Variants in ZNF687 observed in about 807,000 individuals in gnomAD.
The protein encoded by ZNF687 is zinc finger protein 687.
A neutral mutation model predicts 71.8 loss-of-function variants in ZNF687; 13 were observed. The observed-to-expected ratio is 0.18, with a 90% CI of 0.12 to 0.29. ZNF687 has a LOEUF of 0.29. Ranked by LOEUF, ZNF687 falls within the 10% of genes least tolerant of loss-of-function variation. ZNF687 has a pLI of 1.00. For missense variants in ZNF687, 1,412 were observed against 1,625.6 expected (o/e 0.87, Z 2.26); for synonymous variants, 673 against 641.6 (o/e 1.05, Z -0.74).
rs1036899486 is a variant in ZNF687, at chr1:151,292,011, G to A, written c.*802G>A. 1 of 152,018 alleles carries A rather than the reference G, an allele frequency of 6.6e-6. No individual in the cohort carries two copies. Among genetic ancestry groups the A allele is most frequent in the Non-Finnish European group, 1.5e-5 (1 of 68,052 alleles). The allele number at this position is 152,018 out of a possible 1,614,324, so 9.4% of individuals were successfully genotyped here. On this transcript the variant is annotated 3_prime_UTR_variant, in exon 9 of 9. Transcript: ENST00000336715. ...GGAAGAGGTGGTAGTGACCAAGACAGGCAGGGAAAAAGCAAACTTCTATGT... is the reference window on the plus strand; with the variant it reads ...GGAAGAGGTGGTAGTGACCAAGACAAGCAGGGAAAAAGCAAACTTCTATGT...
At chr1:151,284,610 T>C (rs1693864359) in intron 1 of ZNF687, among the ~76,000 whole-genome samples, 2 of 152,118 alleles carry the variant, frequency 1.3e-5, no homozygotes, top group Admixed American at 1.3e-4. Flanking sequence ...CCCTGACTCT[T>C]GCCTCCGACC....
rs1266741255 is a variant in ZNF687, at chr1:151,287,946, A to G, written c.1655A>G (p.Tyr552Cys). Residue 552 changes from tyrosine (Y) to cysteine (C), a missense_variant, in exon 2 of 9, where the codon TAT (tyrosine) becomes TGT (cysteine). Tyr to Cys is a radical substitution (Grantham distance 194). This residue lies in a region of ZNF687 where 50 missense variants were observed against 106.6 expected (regional missense o/e 0.47). Transcript: ENST00000336715. The surrounding 1 kb of genome is among the most constrained non-coding windows in gnomAD (Gnocchi z 5.0). ...TTGGAGAAGAGCCTGGCACGGCACT[A>G]TGACCGTCGGAGCATGCGCATCGAG... ...FSLEKSLARH[Y>C]DRRSMRIEVT... The G allele has an allele frequency of 1.9e-6, 3 of 1,613,620 alleles. No homozygotes were observed. Among genetic ancestry groups the G allele is most frequent in the African/African-American group, 2.7e-5 (2 of 74,862 alleles).
At position 151,286,885 on chromosome 1, in the gene ZNF687, C is replaced by T; in HGVS notation, c.594C>T (p.Ser198=). ...GALTPPPFPS[S]FELAQENGPG... is the part of the protein sequence containing the mutation. ...TGACCCCGCCTCCTTTCCCCTCTTC[C>T]TTTGAGCTGGCCCAGGAGAATGGCC... Residue 198 remains serine, a synonymous_variant, in exon 2 of 9, where the codon TCC becomes TCT. Coordinates refer to ENST00000336715, the MANE Select transcript of ZNF687 (RefSeq NM_020832.3). The T allele has an allele frequency of 6.2e-7, 1 of 1,613,280 alleles. No individual in the cohort carries two copies. Among genetic ancestry groups the T allele is most frequent in the Non-Finnish European group, 8.5e-7 (1 of 1,179,492 alleles).
chr1:151,286,360 G>A lies in ZNF687; in HGVS notation c.69G>A (p.Ala23=), dbSNP rs778329827. 2.5e-5 allele frequency: 40 copies of A among 1,607,262 alleles called. No homozygotes were observed. In the Admixed American group the frequency reaches 2.9e-4, roughly 12 times the overall value. The part of the protein sequence containing the change: ...LAAFDIPDID[A]NEAIHSGPEE... ...CCTTTGACATCCCTGACATTGATGC[G>A]AATGAAGCCATCCATTCTGGGCCAG... Residue 23 remains alanine, a synonymous_variant, in exon 2 of 9, where the codon GCG becomes GCA. Coordinates refer to ENST00000336715, the MANE Select transcript of ZNF687 (RefSeq NM_020832.3).
intron 1 of ZNF687, 86 bp downstream of exon 1, chr1:151,282,481 T>C (rs1693754847): frequency 2.2e-6 from 2 of 918,678 alleles, no homozygotes; most frequent in African/African-American, 1.8e-5. Context: ...CCCCACTTGG[T>C]CAACTACCCC....
At chr1:151,290,351 T>A in intron 7 of ZNF687, 81 bp from the exon 8 acceptor site, 1 of 1,611,166 alleles carries the variant, frequency 6.2e-7, no homozygotes, top group South Asian at 1.1e-5. Context: ...CTCCCTCTGC[T>A]CTGGCAGCCC....
At chr1:151,282,508 C>G (rs1356161857) in intron 1 of ZNF687, 113 bp downstream of exon 1, 3 of 807,108 alleles carry the variant, frequency 3.7e-6, no homozygotes, top group African/African-American at 1.9e-5. Context: ...CGCGCCGCCC[C>G]CTGGGGCGGC....
chr1:151,281,681 T>C (rs1693717903), upstream of ZNF687: 1 of 452,880 alleles, frequency 2.2e-6, no homozygotes, highest in Admixed American at 2.5e-5. Context: ...TATGGCGATT[T>C]AGACGGTGGG....
chr1:151,289,187 T>C lies in ZNF687; in HGVS notation c.2387T>C (p.Ile796Thr). Residue 796 changes from isoleucine (I) to threonine (T), a missense_variant, in exon 4 of 9, where the codon ATC (isoleucine) becomes ACC (threonine). By Grantham distance (89) the Ile-to-Thr change is moderately conservative. Coordinates refer to ENST00000336715, the MANE Select transcript of ZNF687 (RefSeq NM_020832.3). Reference protein sequence around the residue: ...SHCEVFHKCPICPMAFKSGPS... With the variant: ...SHCEVFHKCPTCPMAFKSGPS... Reference sequence around the variant, plus strand: ...TGCGAGGTTTTCCACAAGTGCCCCATCTGCCCCATGGCCTTCAAGTCTGGG... The same window carrying C: ...TGCGAGGTTTTCCACAAGTGCCCCACCTGCCCCATGGCCTTCAAGTCTGGG... 2 of 1,614,174 alleles carry C rather than the reference T, an allele frequency of 1.2e-6. No individual in the cohort carries two copies. The highest frequency in any genetic ancestry group is 1.1e-5 in the South Asian group (1 of 91,090).
intron 1 of ZNF687, chr1:151,283,751 G>A (rs1289456935): frequency 1.1e-6 from 1 of 895,076 alleles, no homozygotes; most frequent in African/African-American, 1.8e-5. Flanking sequence ...AGATTCTGCA[G>A]AATTGAATAG....
chr1:151,287,658 C>T lies in ZNF687; in HGVS notation c.1367C>T (p.Ala456Val). The change falls in exon 2 of 9, where the codon GCA becomes GTA. Residue 456 changes from alanine to valine, a missense_variant. Around this residue, in one of 8 missense-constraint regions of ZNF687, gnomAD observed 133 missense variants for 155.1 expected, o/e 0.86. Transcript: ENST00000336715. This position sits in a 1 kb window ranked among gnomAD's most constrained non-coding sequence, Gnocchi z 5.0. ...PQALPKADGR[A>V]GLGTGGQKVN... is the part of the protein sequence containing the mutation. ...GCCCTGCCTAAGGCTGACGGGCGGGCAGGGCTGGGGACTGGGGGACAGAAG... is the reference window on the plus strand; with the variant it reads ...GCCCTGCCTAAGGCTGACGGGCGGGTAGGGCTGGGGACTGGGGGACAGAAG... 6.2e-7 allele frequency: 1 copy of T among 1,613,208 alleles called. No individual in the cohort carries two copies. Among genetic ancestry groups the T allele is most frequent in the Non-Finnish European group, 8.5e-7 (1 of 1,179,652 alleles).
In ZNF687 at chr1:151,289,760, A is replaced by C. The variant is rs1694121310; in HGVS notation, c.2717A>C (p.Glu906Ala). ...CTGCTGACCCCCAAGACTGAGCCTG[A>C]GGAGCTGGCTGTTTCTCAGGGAGGG... ...GALLTPKTEP[E>A]ELAVSQGGAA... is the part of the protein sequence containing the mutation. The change falls in exon 6 of 9, where the codon GAG becomes GCG. Residue 906 changes from glutamate to alanine, a missense_variant. This residue lies in a region of ZNF687 where 135 missense variants were observed against 104.1 expected (regional missense o/e 1.30). Transcript: ENST00000336715. 1 of 1,560,148 alleles carries C rather than the reference A, an allele frequency of 6.4e-7. No individual in the cohort carries two copies. Among genetic ancestry groups the C allele is most frequent in the Non-Finnish European group, 8.7e-7 (1 of 1,151,536 alleles).
Position 151,289,179 on chromosome 1 carries a change from G to A in ZNF687, c.2379G>A (p.Lys793=), listed in dbSNP as rs1313826091. The part of the protein sequence containing the change: ...IQTSHCEVFH[K]CPICPMAFKS... ...CGTCGCACTGCGAGGTTTTCCACAA[G>A]TGCCCCATCTGCCCCATGGCCTTCA... The change falls in exon 4 of 9, where the codon AAG becomes AAA. Residue 793 remains lysine, a synonymous_variant. Transcript: ENST00000336715. 5.6e-6 allele frequency: 9 copies of A among 1,614,088 alleles called. No individual in the cohort carries two copies. Among genetic ancestry groups the A allele is most frequent in the Non-Finnish European group, 7.6e-6 (9 of 1,180,042 alleles).
chr1:151,287,138 C>T lies in ZNF687; in HGVS notation c.847C>T (p.Pro283Ser), dbSNP rs780021246. 2 of 1,614,178 alleles carry T rather than the reference C, an allele frequency of 1.2e-6. No individual in the cohort carries two copies. Among genetic ancestry groups the T allele is most frequent in the Admixed American group, 1.7e-5 (1 of 60,020 alleles). The change falls in exon 2 of 9, where the codon CCC becomes TCC. Residue 283 changes from proline (P) to serine (S), a missense_variant. Physicochemically the swap from Pro to Ser is moderately conservative, Grantham distance 74 (BLOSUM62 -1). Transcript: ENST00000336715. The surrounding 1 kb of genome is among the most constrained non-coding windows in gnomAD (Gnocchi z 5.0). ...CTCCCCCAAAGTGCCCGTCTGTCAG[C>T]CCTTGAAGGAAGAAGATGATGATGA... Reference protein sequence around the residue: ...LASPKVPVCQPLKEEDDDEGP... With the variant: ...LASPKVPVCQSLKEEDDDEGP...
Position 151,288,616 on chromosome 1 carries a change from G to A in ZNF687, c.2204G>A (p.Cys735Tyr). Residue 735 changes from cysteine (C) to tyrosine (Y), a missense_variant, in exon 3 of 9, where the codon TGT (cysteine) becomes TAT (tyrosine). Physicochemically the swap from Cys to Tyr is radical, Grantham distance 194. Coordinates refer to ENST00000336715, the MANE Select transcript of ZNF687 (RefSeq NM_020832.3). ...RMHKNRPPHVCPECGGNFLQA... is the reference protein window; with the variant it reads ...RMHKNRPPHVYPECGGNFLQA... ...CATAAGAATCGACCCCCCCATGTCT[G>A]TCCTGAGTGTGGGGGCAACTTCCTG... 1 of 1,614,158 alleles carries A rather than the reference G, an allele frequency of 6.2e-7. No individual in the cohort carries two copies. Among genetic ancestry groups the A allele is most frequent in the Non-Finnish European group, 8.5e-7 (1 of 1,180,024 alleles).
rs371085557 is a variant in ZNF687 at position 151,288,259 on chromosome 1, G to C, written c.1968G>C (p.Pro656=). Residue 656 remains proline, a synonymous_variant, in exon 2 of 9, where the codon CCG becomes CCC. Coordinates refer to ENST00000336715, the MANE Select transcript of ZNF687 (RefSeq NM_020832.3). ...TTGCTGCTGAGGCCCCTGTCCTGCCGCTCTCCACAGAGCCGCCTGCTGCCC... is the reference window on the plus strand; with the variant it reads ...TTGCTGCTGAGGCCCCTGTCCTGCCCCTCTCCACAGAGCCGCCTGCTGCCC... ...TTVAAEAPVL[P]LSTEPPAAPA... 6.2e-7 allele frequency: 1 copy of C among 1,613,594 alleles called. No individual in the cohort carries two copies. Among genetic ancestry groups the C allele is most frequent in the Non-Finnish European group, 8.5e-7 (1 of 1,179,976 alleles).
chr1:151,290,326 C>T (rs1449760709), intron 7 of ZNF687, 92 bp downstream of exon 7: 1 of 1,608,634 alleles, frequency 6.2e-7, no homozygotes, highest in Non-Finnish European at 8.5e-7. Context: ...GTCTAAGTGG[C>T]CTGATGGTTG....
upstream of ZNF687, chr1:151,281,602 G>T: frequency 2.1e-6 from 1 of 471,248 alleles, no homozygotes. Flanking sequence ...CCCTCCCGCA[G>T]AGGGAGGAGC....
chr1:151,281,764 C>T, upstream of ZNF687: 1 of 380,246 alleles, frequency 2.6e-6, no homozygotes, highest in Non-Finnish European at 5.5e-6. Flanking sequence ...TTCTGTACGG[C>T]ATCAGTGACA....
Sources: gnomAD v4.1 joint callset for allele counts (sites outside exome capture counted in the v4.1 genomes callset) on GRCh38, gnomAD v4.1.1 for gene constraint, gnomAD v4.1.1 regional missense constraint, Gnocchi (gnomAD v3.1) non-coding constraint, MANE v1.5 for transcripts, NCBI Gene and HGNC (gene_info 2026-07-23, HGNC 2026-07-21) for gene names.